The following NAALADL2 variants were observed in gnomAD, a reference collection of about 807,000 sequenced individuals.
NAALADL2 encodes inactive N-acetylated-alpha-linked acidic dipeptidase-like protein 2.
In NAALADL2, 76 loss-of-function variants were observed where a neutral mutation model predicts 87.2. The observed-to-expected ratio is 0.87, with a 90% CI of 0.72 to 1.05. NAALADL2 has a LOEUF of 1.05. Ranked by LOEUF, NAALADL2 falls within the 50% of genes least tolerant of loss-of-function variation. The probability of loss-of-function intolerance (pLI) is 0.00; values close to 1 mark genes in which losing one functional copy is unlikely to be tolerated. For synonymous variants in NAALADL2, 354 were observed against 331.0 expected, an observed-to-expected ratio of 1.07 and a Z score of -0.75; for missense variants, 1,089 against 945.8, an observed-to-expected ratio of 1.15 and a Z score of -1.99.
intron 1 of NAALADL2, among the ~76,000 whole-genome samples, chr3:174,493,979 A>G (rs1009542953): frequency 9.2e-5 from 14 of 152,096 alleles, no homozygotes; most frequent in Admixed American, 9.2e-4. Flanking sequence ...GTGTCTGACA[A>G]AAAGTTTTTT....
rs114157573 is a variant in NAALADL2, at chr3:175,602,571, G to A, written c.1801-24720G>A. On this transcript the variant is annotated intron_variant, in intron 10 of 13. Coordinates refer to ENST00000454872, the MANE Select transcript of NAALADL2 (RefSeq NM_207015.3). ...ATATATGTCCCAATAAAGCCAATGC[G>A]GTCAAAGAGAAGCATTTAATTCTGC... Among the ~76,000 whole-genome samples the A allele has an allele frequency of 9.3e-3, 1,409 of 151,852 alleles. 19 individuals are homozygous for A. Among genetic ancestry groups the A allele is most frequent in the African/African-American group, 0.03 (1,259 of 41,400 alleles).
At chr3:175,522,762 A>G (rs1732827623) in intron 9 of NAALADL2, among the ~76,000 whole-genome samples, 1 of 152,212 alleles carries the variant, frequency 6.6e-6, no homozygotes, top group African/African-American at 2.4e-5. Flanking sequence ...TTTCTCCACA[A>G]AAAAGTAATC....
chr3:174,447,066 G>A (rs1715113394), intron 1 of NAALADL2, among the ~76,000 whole-genome samples: 1 of 152,172 alleles, frequency 6.6e-6, no homozygotes, highest in Admixed American at 6.5e-5. Flanking sequence ...CTTTATATGT[G>A]TGTGAAAATA....
chr3:174,705,734 G>A (rs1730002378), intron 2 of NAALADL2, among the ~76,000 whole-genome samples: 2 of 143,708 alleles, frequency 1.4e-5, no homozygotes, highest in Admixed American at 1.5e-4. Flanking sequence ...AGTGAGCCGA[G>A]ATCGCGCCAC....
At chr3:175,783,175 A>T (rs1454586183) in intron 13 of NAALADL2, among the ~76,000 whole-genome samples, 4 of 152,288 alleles carry the variant, frequency 2.6e-5, no homozygotes, top group African/African-American at 9.6e-5. Context: ...CTTAGGACTG[A>T]CTTGGTGATG....
intron 2 of NAALADL2, among the ~76,000 whole-genome samples, chr3:175,172,285 C>T (rs986349783): frequency 3.9e-5 from 6 of 151,922 alleles, no homozygotes; most frequent in African/African-American, 1.2e-4. Context: ...CATTTTAAAC[C>T]ATGACTTGAG....
intron 2 of NAALADL2, among the ~76,000 whole-genome samples, chr3:174,575,789 T>G (rs1715463640): frequency 6.6e-6 from 1 of 152,212 alleles, no homozygotes; most frequent in East Asian, 1.9e-4. Flanking sequence ...AGTCATTCAC[T>G]TACTCTATCC....
intron 4 of NAALADL2, among the ~76,000 whole-genome samples, chr3:175,316,596 G>A (rs181061221): frequency 2.0e-5 from 3 of 152,266 alleles, no homozygotes; most frequent in Admixed American, 6.5e-5. Context: ...AACCCTAAGA[G>A]GTACTGAGCA....
intron 5 of NAALADL2, among the ~76,000 whole-genome samples, chr3:175,425,869 T>A (rs1716692342): frequency 6.6e-6 from 1 of 152,188 alleles, no homozygotes; most frequent in African/African-American, 2.4e-5. Context: ...TCCTCTAATG[T>A]ATCCCCTTGT....
In NAALADL2 at chr3:175,232,160, G is replaced by GA. The variant is rs1560200249; in HGVS notation, c.546-1771_546-1770insA. Among the ~76,000 whole-genome samples, 2 of 150,862 alleles carry GA rather than the reference G, an allele frequency of 1.3e-5. 1 individual carries two copies. The highest frequency in any genetic ancestry group is 3.9e-4 in the East Asian group (2 of 5,104). ...GAGGAAGAGGAAGAGGAAGAAGAAG[G>GA]GGGAGGAGGAGGAGAAGGAGCAAGA... On this transcript the variant is annotated intron_variant, in intron 2 of 13. Coordinates refer to ENST00000454872, the MANE Select transcript of NAALADL2 (RefSeq NM_207015.3).
chr3:174,733,618 CTG>C (rs1191275581), intron 2 of NAALADL2, among the ~76,000 whole-genome samples: 1 of 152,186 alleles, frequency 6.6e-6, no homozygotes, highest in Admixed American at 6.5e-5. Context: ...AAGGCTCTTT[CTG>C]TTACCGAAAC....
intron 10 of NAALADL2, among the ~76,000 whole-genome samples, chr3:175,604,303 T>C (rs1398904918): frequency 7.0e-6 from 1 of 141,966 alleles, no homozygotes; most frequent in Non-Finnish European, 1.5e-5. Flanking sequence ...TTGAAATTTT[T>C]TTTTTTTTTT....
intron 4 of NAALADL2, among the ~76,000 whole-genome samples, chr3:175,309,294 T>C (rs951944579): frequency 1.6e-4 from 25 of 152,108 alleles, no homozygotes; most frequent in Non-Finnish European, 3.5e-4. Flanking sequence ...CAAGTGATTC[T>C]CCTCCCTCAG....
intron 1 of NAALADL2, among the ~76,000 whole-genome samples, chr3:175,036,390 A>ATT (rs534873999): frequency 4.1e-5 from 6 of 147,722 alleles, no homozygotes; most frequent in African/African-American, 1.5e-4. Context: ...GTAGAACACA[A>ATT]TTTTTTTTTT....
intron 9 of NAALADL2, among the ~76,000 whole-genome samples, chr3:175,575,611 TAAG>T (rs1312485705): frequency 6.6e-6 from 1 of 152,244 alleles, no homozygotes; most frequent in East Asian, 1.9e-4. Context: ...ATAGACATTT[TAAG>T]AAGAACAGAA....
At chr3:174,563,079 T>C (rs1429496036) in intron 2 of NAALADL2, among the ~76,000 whole-genome samples, 1 of 152,026 alleles carries the variant, frequency 6.6e-6, no homozygotes. Context: ...TATATTGTTT[T>C]GGCTGAAATG....
chr3:175,697,203 A>G (rs947911683), intron 11 of NAALADL2, among the ~76,000 whole-genome samples: 21 of 152,092 alleles, frequency 1.4e-4, no homozygotes, highest in African/African-American at 4.1e-4. Flanking sequence ...GGTAGCGTAT[A>G]ACTTTGCCTG....
At chr3:175,789,020 G>T (rs955034238) in intron 13 of NAALADL2, among the ~76,000 whole-genome samples, 2 of 151,998 alleles carry the variant, frequency 1.3e-5, no homozygotes, top group African/African-American at 4.8e-5. Flanking sequence ...AGAAAAATAG[G>T]TGGAATTCCT....
At chr3:174,466,884 G>A (rs904311364) in intron 1 of NAALADL2, among the ~76,000 whole-genome samples, 12 of 152,128 alleles carry the variant, frequency 7.9e-5, no homozygotes, top group African/African-American at 2.9e-4. Flanking sequence ...GTTATAGGTT[G>A]CTTCATTTTT....
Sources: gnomAD v4.1 joint callset for allele counts (sites outside exome capture counted in the v4.1 genomes callset) on GRCh38, gnomAD v4.1.1 for gene constraint, MANE v1.5 for transcripts, NCBI Gene and HGNC (gene_info 2026-07-23, HGNC 2026-07-21) for gene names.